Variants in ZCCHC2 observed in about 807,000 individuals in gnomAD.
The protein encoded by ZCCHC2 is zinc finger CCHC-type containing 2.
ZCCHC2 carries 39 observed loss-of-function variants against 103.6 expected under a neutral mutation model. The observed-to-expected ratio is 0.38, with a 90% CI of 0.29 to 0.49. ZCCHC2 has a LOEUF of 0.49. ZCCHC2 is among the 20% of genes least tolerant of loss of function. The pLI is 0.96. For missense variants in ZCCHC2, 1,483 were observed against 1,491.0 expected (o/e 0.99, Z 0.09); for synonymous variants, 687 against 608.9 (o/e 1.13, Z -1.89).
chr18:62,523,751 G>A lies in ZCCHC2; in HGVS notation c.327G>A (p.Ala109=), dbSNP rs1289895054. ...YEWFGLVLGS[A]QRLEFMCGLL... ...GGTTCGGGCTGGTGCTGGGCTCGGC[G>A]CAGCGCCTGGAGTTCATGTGCGGGC... The change falls in exon 1 of 14, where the codon GCG becomes GCA. Residue 109 remains alanine (A), a synonymous_variant. Coordinates refer to ENST00000269499, the MANE Select transcript of ZCCHC2 (RefSeq NM_017742.6). The A allele has an allele frequency of 1.3e-6, 2 of 1,531,072 alleles. No individual in the cohort carries two copies. The highest frequency in any genetic ancestry group is 1.7e-6 in the Non-Finnish European group (2 of 1,144,944). 94.8% of individuals were successfully genotyped at this position (1,531,072 alleles called of 1,614,324 possible).
At chr18:62,541,826 T>C (rs1403534111) in intron 2 of ZCCHC2, among the ~76,000 whole-genome samples, 1 of 152,226 alleles carries the variant, frequency 6.6e-6, no homozygotes, top group Non-Finnish European at 1.5e-5. Context: ...GCTTACTTCA[T>C]GAATAAACTG....
At chr18:62,537,937 G>A (rs958463032) in intron 1 of ZCCHC2, among the ~76,000 whole-genome samples, 4 of 152,080 alleles carry the variant, frequency 2.6e-5, no homozygotes, top group African/African-American at 9.7e-5. Flanking sequence ...TGCCAACACT[G>A]TCTTTTTTAA....
chr18:62,556,445 A>C (rs978758618), intron 6 of ZCCHC2, 148 bp downstream of exon 6: 1 of 643,480 alleles, frequency 1.6e-6, no homozygotes, highest in Non-Finnish European at 2.6e-6. Flanking sequence ...GAGTTTTTAC[A>C]CTGCAGTTTT....
chr18:62,556,319 G>C, intron 6 of ZCCHC2, 22 bp downstream of exon 6: 1 of 1,527,638 alleles, frequency 6.5e-7, no homozygotes, highest in South Asian at 1.3e-5. Flanking sequence ...CTGTCCCTCT[G>C]TGGAAATCTT....
rs144651532 is a variant in ZCCHC2 at position 62,547,064 on chromosome 18, C to T, written c.1200+2191C>T. Among the ~76,000 whole-genome samples, 342 of 152,176 alleles carry T rather than the reference C, an allele frequency of 2.2e-3. 1 individual carries two copies. The highest frequency in any genetic ancestry group is 7.8e-3 in the African/African-American group (323 of 41,498). On this transcript the variant is annotated intron_variant, in intron 4 of 13. Coordinates refer to ENST00000269499, the MANE Select transcript of ZCCHC2 (RefSeq NM_017742.6). ...GAGCTGCCAGGTTCGGTGGCTCATG[C>T]CTGTAATCCCAGCGCTTTAGGAGGC...
downstream of ZCCHC2, chr18:62,581,837 T>C (rs374673863): frequency 6.9e-3 from 785 of 112,990 alleles, 1 homozygote; most frequent in Middle Eastern, 0.017. Context: ...GGTGTCACAG[T>C]GCTGTGGAAG....
chr18:62,571,651 A>G (rs969798361), intron 12 of ZCCHC2, among the ~76,000 whole-genome samples: 2 of 152,244 alleles, frequency 1.3e-5, no homozygotes, highest in African/African-American at 4.8e-5. Context: ...TTCTTTATGC[A>G]TGATGACAAC....
At chr18:62,554,238 A>C (rs750332354) in intron 5 of ZCCHC2, among the ~76,000 whole-genome samples, 2 of 152,172 alleles carry the variant, frequency 1.3e-5, no homozygotes, top group Non-Finnish European at 2.9e-5. Context: ...TGTGTCTCAG[A>C]AGTGTAGCAG....
At chr18:62,580,226 G>A (rs971101606), downstream of ZCCHC2, among the ~76,000 whole-genome samples, 2 of 152,088 alleles carry the variant, frequency 1.3e-5, no homozygotes, top group Non-Finnish European at 2.9e-5. Context: ...TAGTCTCATT[G>A]TGGGGAAGAA....
chr18:62,524,013 C>A lies in ZCCHC2; in HGVS notation c.589C>A (p.Gln197Lys). The change falls in exon 1 of 14, where the codon CAG becomes AAG. Residue 197 changes from glutamine to lysine, a missense_variant. Gln to Lys is a moderately conservative substitution (Grantham distance 53, BLOSUM62 1). Around this residue, in one of 3 missense-constraint regions of ZCCHC2, gnomAD observed 568 missense variants for 525.1 expected, o/e 1.08. Coordinates refer to ENST00000269499, the MANE Select transcript of ZCCHC2 (RefSeq NM_017742.6). ...TGGCCGTCTGCACCGCCTGCTACCC[C>A]AGGTGGACTCGGTGCTCAAAAGCCT... ...AAGRLHRLLPQVDSVLKSLRA... is the reference protein window; with the variant it reads ...AAGRLHRLLPKVDSVLKSLRA... 6.8e-7 allele frequency: 1 copy of A among 1,481,162 alleles called. No individual in the cohort carries two copies. The highest frequency in any genetic ancestry group is 1.3e-5 in the South Asian group (1 of 75,010). 91.8% of individuals were successfully genotyped at this position (1,481,162 alleles called of 1,614,324 possible).
At chr18:62,555,260 C>T (rs2145512638) in intron 5 of ZCCHC2, among the ~76,000 whole-genome samples, 1 of 152,248 alleles carries the variant, frequency 6.6e-6, no homozygotes. Flanking sequence ...TTACAGGTAC[C>T]ACTGTCGGGA....
At chr18:62,561,782 G>T (rs1428011952) in intron 8 of ZCCHC2, among the ~76,000 whole-genome samples, 2 of 152,186 alleles carry the variant, frequency 1.3e-5, no homozygotes, top group Non-Finnish European at 2.9e-5. Flanking sequence ...ATTTCCCTCT[G>T]ATTACTTTTA....
At chr18:62,580,166 A>G (rs555454324), downstream of ZCCHC2, among the ~76,000 whole-genome samples, 1 of 152,062 alleles carries the variant, frequency 6.6e-6, no homozygotes, top group South Asian at 2.1e-4. Context: ...ATCTGATTTT[A>G]TGGTCTTGAT....
At chr18:62,563,207 T>A (rs1276447069) in intron 9 of ZCCHC2, 63 bp downstream of exon 9, 2 of 1,547,646 alleles carry the variant, frequency 1.3e-6, no homozygotes, top group Non-Finnish European at 1.8e-6. Flanking sequence ...AAGAAAAAAA[T>A]TAAGTTCTGT....
intron 1 of ZCCHC2, among the ~76,000 whole-genome samples, chr18:62,528,068 G>A (rs1037221038): frequency 6.6e-6 from 1 of 152,182 alleles, no homozygotes; most frequent in Admixed American, 6.5e-5. Flanking sequence ...GATTAATATG[G>A]TATGACGATT....
intron 8 of ZCCHC2, among the ~76,000 whole-genome samples, chr18:62,562,119 C>T (rs931564657): frequency 6.6e-6 from 1 of 152,114 alleles, no homozygotes; most frequent in South Asian, 2.1e-4. Context: ...GCCTCAGCCT[C>T]CCAAGTAGCT....
intron 3 of ZCCHC2, among the ~76,000 whole-genome samples, chr18:62,544,269 G>A (rs1915319483): frequency 6.6e-6 from 1 of 152,158 alleles, no homozygotes; most frequent in Admixed American, 6.5e-5. Context: ...CAAAATGGAA[G>A]TCATCATACC....
At chr18:62,555,651 A>G (rs1010456671) in intron 5 of ZCCHC2, among the ~76,000 whole-genome samples, 22 of 152,222 alleles carry the variant, frequency 1.4e-4, no homozygotes, top group Non-Finnish European at 8.8e-5. Context: ...TCTACTAAAA[A>G]TACAAAATTA....
chr18:62,550,325 A>T (rs760494500), intron 4 of ZCCHC2, 23 bp from the exon 5 acceptor site: 1 of 1,538,802 alleles, frequency 6.5e-7, no homozygotes, highest in Non-Finnish European at 9.0e-7. Context: ...TTAACATTGG[A>T]TATTGTGGTT....
Sources: gnomAD v4.1 joint callset for allele counts (sites outside exome capture counted in the v4.1 genomes callset) on GRCh38, gnomAD v4.1.1 for gene constraint, gnomAD v4.1.1 regional missense constraint, MANE v1.5 for transcripts, NCBI Gene and HGNC (gene_info 2026-07-23, HGNC 2026-07-21) for gene names.